The following CPNE4 variants were observed in gnomAD, a reference collection of about 807,000 sequenced individuals.
CPNE4 encodes copine-4.
A neutral mutation model predicts 67.9 loss-of-function variants in CPNE4; 25 were observed. The observed-to-expected ratio is 0.37, with a 90% CI of 0.27 to 0.51. CPNE4 has a LOEUF of 0.51. Ranked by LOEUF, CPNE4 falls within the 20% of genes least tolerant of loss-of-function variation. The pLI is 0.93. For synonymous variants in CPNE4, 242 were observed against 244.9 expected (o/e 0.99, Z 0.11); for missense variants, 464 against 690.8 (o/e 0.67, Z 3.68).
intron 10 of CPNE4, among the ~76,000 whole-genome samples, chr3:131,568,500 C>A (rs145981080): frequency 6.6e-6 from 1 of 152,156 alleles, no homozygotes; most frequent in Non-Finnish European, 1.5e-5. Context: ...ACCACGTTTT[C>A]ATTTCCTGAT....
At chr3:131,856,893 C>A (rs1841540) in intron 2 of CPNE4, among the ~76,000 whole-genome samples, 1 of 152,126 alleles carries the variant, frequency 6.6e-6, no homozygotes, top group Admixed American at 6.6e-5. Flanking sequence ...GCAAAGCTGG[C>A]ATTTGACAAC....
At chr3:131,612,494 G>A (rs1054434953) in intron 7 of CPNE4, among the ~76,000 whole-genome samples, 1 of 152,142 alleles carries the variant, frequency 6.6e-6, no homozygotes, top group African/African-American at 2.4e-5. Flanking sequence ...GAAGTGAGGA[G>A]GCCTTAATTC....
chr3:131,772,672 A>G (rs2083196400), intron 2 of CPNE4, among the ~76,000 whole-genome samples: 1 of 152,126 alleles, frequency 6.6e-6, no homozygotes, highest in African/African-American at 2.4e-5. Flanking sequence ...AAATGAGTGC[A>G]GTGGGGTGAG....
At chr3:131,799,130 T>C (rs1342971351) in intron 2 of CPNE4, among the ~76,000 whole-genome samples, 1 of 152,060 alleles carries the variant, frequency 6.6e-6, no homozygotes, top group African/African-American at 2.4e-5. Flanking sequence ...ATATGAACAA[T>C]ACCACGGATA....
intron 2 of CPNE4, among the ~76,000 whole-genome samples, chr3:131,820,789 C>A (rs972077421): frequency 6.6e-6 from 1 of 152,170 alleles, no homozygotes; most frequent in African/African-American, 2.4e-5. Context: ...TATTCATCTC[C>A]ACTGTACAGT....
intron 3 of CPNE4, among the ~76,000 whole-genome samples, chr3:131,704,720 ATGTCATTTAATGATCATTTCT>A (rs1162087866): frequency 6.6e-6 from 1 of 152,178 alleles, no homozygotes; most frequent in Non-Finnish European, 1.5e-5. Flanking sequence ...CATTTATGAA[ATGTCATTTAATGATCATTTCT>A]TGTCATTTAA....
At chr3:131,967,907 C>G (rs1216352878) in intron 1 of CPNE4, among the ~76,000 whole-genome samples, 1 of 152,050 alleles carries the variant, frequency 6.6e-6, no homozygotes, top group Non-Finnish European at 1.5e-5. Context: ...CAAGACAATC[C>G]AAAGCAAAAA....
Position 131,689,824 on chromosome 3 carries a change from T to C in CPNE4, c.508-3866A>G, listed in dbSNP as rs1378477095. Among the ~76,000 whole-genome samples the C allele has an allele frequency of 3.9e-5, 6 of 152,144 alleles. No individual in the cohort carries two copies. The East Asian group carries it at 5.8e-4, about 15-fold the overall frequency. The stretch of plus-strand genomic sequence containing the variant: ...TATACCTAGAAAACCCTAAAGACTA[T>C]GGTGAAAGACTCCTAGAACTGATCT... On this transcript the variant is annotated intron_variant, in intron 5 of 15. Coordinates refer to ENST00000429747, the MANE Select transcript of CPNE4 (RefSeq NM_130808.3).
chr3:131,847,985 T>C (rs2086069207), intron 2 of CPNE4, among the ~76,000 whole-genome samples: 2 of 152,146 alleles, frequency 1.3e-5, no homozygotes, highest in Non-Finnish European at 2.9e-5. Context: ...TCCTAAACAC[T>C]CTTCTTCTTC....
At chr3:131,831,879 C>T (rs1407480637) in intron 2 of CPNE4, among the ~76,000 whole-genome samples, 3 of 152,118 alleles carry the variant, frequency 2.0e-5, no homozygotes, top group Non-Finnish European at 2.9e-5. Context: ...TATTTTCTTT[C>T]ATCCATAAAA....
intron 2 of CPNE4, among the ~76,000 whole-genome samples, chr3:131,886,356 A>G (rs561612430): frequency 2.6e-5 from 4 of 152,370 alleles, no homozygotes; most frequent in Non-Finnish European, 5.9e-5. Context: ...CTCTGCCTAT[A>G]TTTTAGAAGA....
At chr3:131,957,332 G>C (rs2699855) in intron 1 of CPNE4, among the ~76,000 whole-genome samples, 12,090 of 152,242 alleles carry the variant, frequency 0.079, 627 homozygotes, top group Admixed American at 0.16. Context: ...TTTTGAAAAA[G>C]AAAATTTCCA....
At chr3:131,935,022 T>C (rs930171732) in intron 1 of CPNE4, among the ~76,000 whole-genome samples, 1 of 151,866 alleles carries the variant, frequency 6.6e-6, no homozygotes, top group Admixed American at 6.6e-5. Context: ...TGTAAAATAT[T>C]AATAAGTATT....
At chr3:131,785,520 T>A (rs1208939193) in intron 2 of CPNE4, among the ~76,000 whole-genome samples, 1 of 152,014 alleles carries the variant, frequency 6.6e-6, no homozygotes, top group African/African-American at 2.4e-5. Context: ...TTCTTTCTTA[T>A]TTTTTTTCTT....
chr3:131,991,478 T>C lies in CPNE4; in HGVS notation c.-2+43089A>G, dbSNP rs550342655. ...TGCTTTAGCAAAGAGACTGGCAGCA[T>C]TTGCCTTGCCCTAGAGATCTGTGGA... On this transcript the variant is annotated intron_variant, in intron 1 of 15. Transcript: ENST00000429747. Among the ~76,000 whole-genome samples, 4 of 136,038 alleles carry C rather than the reference T, an allele frequency of 2.9e-5. 2 individuals carry two copies. The South Asian group carries it at 1.0e-3, about 36-fold the overall frequency. The allele number at this position is 136,038 out of a possible 152,430, so 89.2% of individuals were successfully genotyped here.
intron 14 of CPNE4, among the ~76,000 whole-genome samples, chr3:131,548,669 A>T (rs1334125325): frequency 6.6e-6 from 1 of 152,124 alleles, no homozygotes. Context: ...TTTGTGGAAC[A>T]GCAAGAAGGT....
chr3:132,025,747 T>G (rs1352636277), intron 1 of CPNE4, among the ~76,000 whole-genome samples: 1 of 152,218 alleles, frequency 6.6e-6, no homozygotes, highest in Admixed American at 6.5e-5. Flanking sequence ...ATTATTCTCA[T>G]TCTATATCTA....
rs1583263263 is a variant in CPNE4 at position 131,819,526 on chromosome 3, A to ACACACACACG, written c.180+85737_180+85738insCGTGTGTGTG. The stretch of plus-strand genomic sequence containing the variant: ...CACACACACACACACACACACACGC[A>ACACACACACG]CAGTTTCCTTAAAACCAAATCCTGC... On this transcript the variant is annotated intron_variant, in intron 2 of 15. Coordinates refer to ENST00000429747, the MANE Select transcript of CPNE4 (RefSeq NM_130808.3). Among the ~76,000 whole-genome samples the ACACACACACG allele has an allele frequency of 2.7e-5, 4 of 150,504 alleles. No homozygotes were observed. In the East Asian group the frequency reaches 7.8e-4, roughly 29 times the overall value.
At chr3:131,603,135 A>C (rs1939302006) in intron 7 of CPNE4, among the ~76,000 whole-genome samples, 1 of 152,192 alleles carries the variant, frequency 6.6e-6, no homozygotes, top group African/African-American at 2.4e-5. Context: ...GTTTCATAGC[A>C]GGAAGCAATC....
Sources: gnomAD v4.1 joint callset for allele counts (sites outside exome capture counted in the v4.1 genomes callset) on GRCh38, gnomAD v4.1.1 for gene constraint, MANE v1.5 for transcripts, NCBI Gene and HGNC (gene_info 2026-07-23, HGNC 2026-07-21) for gene names.